Variants in TRAPPC9 observed in about 807,000 individuals in gnomAD.
TRAPPC9 encodes the protein trafficking protein particle complex subunit 9.
Under a neutral mutation model 124.0 loss-of-function variants are expected in TRAPPC9, and 83 were observed. That is an observed-to-expected ratio of 0.67 (90% CI 0.56 to 0.80). The LOEUF is 0.80. TRAPPC9 is among the 30% of genes least tolerant of loss of function. The probability of loss-of-function intolerance (pLI) is 0.00; values close to 1 mark genes in which losing one functional copy is unlikely to be tolerated. For missense variants in TRAPPC9, 1,302 were observed against 1,508.3 expected, an observed-to-expected ratio of 0.86 and a Z score of 2.27; for synonymous variants, 638 against 617.5, an observed-to-expected ratio of 1.03 and a Z score of -0.49.
Position 140,208,781 on chromosome 8 carries a change from G to A in TRAPPC9, c.2556+12678C>T, listed in dbSNP as rs1296972224. Among the ~76,000 whole-genome samples, 9 of 152,328 alleles carry A rather than the reference G, an allele frequency of 5.9e-5. No individual in the cohort carries two copies. The South Asian group carries it at 6.2e-4, about 11-fold the overall frequency. On this transcript the variant is annotated intron_variant, in intron 17 of 22. Transcript: ENST00000438773. ...GGGGAAACCACACATACATGCCATC[G>A]GCCCTTGAACAACATGGGTCTGAGT...
At chr8:139,991,690 C>T (rs558032389) in intron 18 of TRAPPC9, among the ~76,000 whole-genome samples, 17 of 151,892 alleles carry the variant, frequency 1.1e-4, no homozygotes, top group African/African-American at 3.1e-4. Context: ...GGGACAGACA[C>T]GTTTGCCTGG....
At chr8:140,437,297 A>T (rs1246318117) in intron 3 of TRAPPC9, among the ~76,000 whole-genome samples, 1 of 152,144 alleles carries the variant, frequency 6.6e-6, no homozygotes, top group Non-Finnish European at 1.5e-5. Flanking sequence ...TTGGGATTAC[A>T]GGCATGAGCC....
intron 17 of TRAPPC9, among the ~76,000 whole-genome samples, chr8:140,072,482 C>T (rs1201025026): frequency 6.6e-6 from 1 of 151,390 alleles, no homozygotes; most frequent in Non-Finnish European, 1.5e-5. Flanking sequence ...TGCGCCACTG[C>T]ACCCCAGTCT....
At chr8:140,332,086 T>C (rs551283909) in intron 9 of TRAPPC9, among the ~76,000 whole-genome samples, 1 of 152,196 alleles carries the variant, frequency 6.6e-6, no homozygotes, top group African/African-American at 2.4e-5. Flanking sequence ...TGACCATCAA[T>C]AGAGGACTAG....
chr8:140,430,387 T>C (rs1482687323), intron 4 of TRAPPC9, among the ~76,000 whole-genome samples: 2 of 151,946 alleles, frequency 1.3e-5, no homozygotes, highest in Non-Finnish European at 2.9e-5. Context: ...CCCACCCCCA[T>C]TCCTCCCCCA....
chr8:139,784,459 G>T (rs144246225), intron 21 of TRAPPC9, among the ~76,000 whole-genome samples: 4 of 151,484 alleles, frequency 2.6e-5, no homozygotes, highest in Non-Finnish European at 5.9e-5. Context: ...CTGTAATCCC[G>T]GCCACTCAGG....
chr8:140,300,486 TC>T lies in TRAPPC9; in HGVS notation c.1750del (p.Glu584SerfsTer6). Reference protein sequence around the residue: ...SPIIAHNRGEERNKKIDFQWV... With the variant: ...SPIIAHNRGEXRNKKIDFQWV... ...CGTCCTACCTATTTTCTTGTTCCGCTCTTCTCCACGGTTGTGTGCGATAATT... is the reference window on the plus strand; with the variant it reads ...CGTCCTACCTATTTTCTTGTTCCGCTTTCTCCACGGTTGTGTGCGATAATT... On this transcript the variant is annotated frameshift_variant, in exon 11 of 23. Transcript: ENST00000438773. LOFTEE classifies it high-confidence loss of function. 1.2e-6 allele frequency: 2 copies of T among 1,614,216 alleles called. No individual in the cohort carries two copies. The highest frequency in any genetic ancestry group is 1.7e-6 in the Non-Finnish European group (2 of 1,180,034).
At chr8:139,948,766 G>C (rs1834440922) in intron 19 of TRAPPC9, among the ~76,000 whole-genome samples, 1 of 152,166 alleles carries the variant, frequency 6.6e-6, no homozygotes, top group Non-Finnish European at 1.5e-5. Flanking sequence ...AACCAAGCCT[G>C]CTCACCGAAA....
chr8:140,318,158 C>T (rs1386690854), intron 9 of TRAPPC9, among the ~76,000 whole-genome samples: 1 of 152,104 alleles, frequency 6.6e-6, no homozygotes, highest in African/African-American at 2.4e-5. Flanking sequence ...TCTTGATAAC[C>T]ACTGAATCCG....
At chr8:140,061,536 C>T (rs573448161) in intron 17 of TRAPPC9, among the ~76,000 whole-genome samples, 3 of 152,226 alleles carry the variant, frequency 2.0e-5, no homozygotes, top group Non-Finnish European at 2.9e-5. Flanking sequence ...GGCTTGGCAG[C>T]GTGCCACAGA....
At chr8:140,114,496 C>CAGAAA (rs2060842136) in intron 17 of TRAPPC9, among the ~76,000 whole-genome samples, 1 of 152,140 alleles carries the variant, frequency 6.6e-6, no homozygotes. Flanking sequence ...TTGAATTAAG[C>CAGAAA]TTGATCAGAA....
intron 10 of TRAPPC9, among the ~76,000 whole-genome samples, chr8:140,303,409 C>T (rs559066824): frequency 1.7e-4 from 26 of 152,338 alleles, no homozygotes; most frequent in South Asian, 6.2e-4. Context: ...ATAATCTACA[C>T]GCTTACTAGG....
intron 9 of TRAPPC9, among the ~76,000 whole-genome samples, chr8:140,344,733 G>A (rs1478444458): frequency 6.6e-6 from 1 of 152,272 alleles, no homozygotes; most frequent in Non-Finnish European, 1.5e-5. Flanking sequence ...GGTGCTGAGT[G>A]AATGTGCAGA....
At chr8:140,444,515 C>A (rs1051348688) in intron 2 of TRAPPC9, among the ~76,000 whole-genome samples, 2 of 152,072 alleles carry the variant, frequency 1.3e-5, no homozygotes, top group African/African-American at 4.8e-5. Context: ...ACCCCCAGTA[C>A]CTTTAGAAGA....
At chr8:140,054,459 A>C (rs61076876) in intron 17 of TRAPPC9, among the ~76,000 whole-genome samples, 2,610 of 152,298 alleles carry the variant, frequency 0.017, 73 homozygotes, top group African/African-American at 0.058. Context: ...ACCTGTAATA[A>C]AAAAGAAAAC....
intron 21 of TRAPPC9, among the ~76,000 whole-genome samples, chr8:139,809,210 A>G (rs957733969): frequency 6.6e-6 from 1 of 152,264 alleles, no homozygotes; most frequent in Non-Finnish European, 1.5e-5. Context: ...GTCACCTTGA[A>G]TTGCACAGAA....
At chr8:140,271,343 T>TAAAAG (rs1444566289) in intron 15 of TRAPPC9, among the ~76,000 whole-genome samples, 3 of 152,122 alleles carry the variant, frequency 2.0e-5, no homozygotes, top group Non-Finnish European at 4.4e-5. Context: ...ACAACATTTT[T>TAAAAG]AAAAGAAAAA....
chr8:139,899,189 C>T (rs996801857), intron 20 of TRAPPC9, among the ~76,000 whole-genome samples: 12 of 151,582 alleles, frequency 7.9e-5, no homozygotes, highest in Non-Finnish European at 1.2e-4. Context: ...TTAGTTGACC[C>T]TTGAACAGCA....
At chr8:139,789,948 G>A (rs117001791) in intron 21 of TRAPPC9, among the ~76,000 whole-genome samples, 155 of 152,232 alleles carry the variant, frequency 1.0e-3, no homozygotes, top group Non-Finnish European at 1.9e-3. Flanking sequence ...CTCCCGTCCC[G>A]GTGCGTCCCT....
Sources: gnomAD v4.1 joint callset for allele counts (sites outside exome capture counted in the v4.1 genomes callset) on GRCh38, gnomAD v4.1.1 for gene constraint, MANE v1.5 for transcripts, NCBI Gene and HGNC (gene_info 2026-07-23, HGNC 2026-07-21) for gene names.